The following RRAS2 variants were observed in gnomAD, a reference collection of about 807,000 sequenced individuals.
RRAS2 encodes ras-related protein R-Ras2.
Under a neutral mutation model 27.6 loss-of-function variants are expected in RRAS2, and 7 were observed. The observed-to-expected ratio is 0.25, with a 90% CI of 0.14 to 0.48. RRAS2 has a LOEUF of 0.48. RRAS2 is among the 20% of genes least tolerant of loss of function. The pLI is 0.99. For missense variants in RRAS2, 178 were observed against 256.2 expected (o/e 0.69, Z 2.08); for synonymous variants, 86 against 90.9 (o/e 0.95, Z 0.31).
chr11:14,318,579 A>G (rs965095388), intron 1 of RRAS2, among the ~76,000 whole-genome samples: 2 of 151,928 alleles, frequency 1.3e-5, no homozygotes, highest in Admixed American at 6.6e-5. Flanking sequence ...AACCATCCTG[A>G]TAAGAAAAGC....
At chr11:14,295,549 A>G (rs1366902756) in intron 2 of RRAS2, among the ~76,000 whole-genome samples, 1 of 152,222 alleles carries the variant, frequency 6.6e-6, no homozygotes, top group Non-Finnish European at 1.5e-5. Flanking sequence ...CAGTTTCACT[A>G]GAACAAGATC....
intron 1 of RRAS2, among the ~76,000 whole-genome samples, chr11:14,312,550 G>T (rs1261021851): frequency 6.6e-6 from 1 of 152,156 alleles, no homozygotes; most frequent in Non-Finnish European, 1.5e-5. Flanking sequence ...CTCCTGAGTA[G>T]CTGGGACTGT....
At chr11:14,302,309 GT>G (rs1847737166) in intron 1 of RRAS2, among the ~76,000 whole-genome samples, 1 of 152,044 alleles carries the variant, frequency 6.6e-6, no homozygotes, top group Non-Finnish European at 1.5e-5. Context: ...CACGTACTAT[GT>G]TTTTTAAATT....
At chr11:14,307,803 T>C (rs1305114945) in intron 1 of RRAS2, among the ~76,000 whole-genome samples, 1 of 152,152 alleles carries the variant, frequency 6.6e-6, no homozygotes, top group Non-Finnish European at 1.5e-5. Context: ...TCATTAAAAA[T>C]GGAAACGCCC....
At chr11:14,346,964 G>A (rs1278165906) in intron 1 of RRAS2, among the ~76,000 whole-genome samples, 1 of 152,092 alleles carries the variant, frequency 6.6e-6, no homozygotes, top group Middle Eastern at 3.2e-3. Context: ...AGACTAGCTT[G>A]GGCAACAAAA....
At chr11:14,333,864 G>T (rs1179119097) in intron 1 of RRAS2, among the ~76,000 whole-genome samples, 1 of 152,110 alleles carries the variant, frequency 6.6e-6, no homozygotes, top group African/African-American at 2.4e-5. Context: ...TGAACCCCTG[G>T]ACTCAAGCAA....
intron 1 of RRAS2, among the ~76,000 whole-genome samples, chr11:14,313,313 A>G (rs1000091911): frequency 6.6e-5 from 10 of 152,228 alleles, no homozygotes; most frequent in Non-Finnish European, 1.3e-4. Context: ...ATTGTAAACC[A>G]CATGAAAAGA....
intron 1 of RRAS2, among the ~76,000 whole-genome samples, chr11:14,299,209 A>T (rs1847633718): frequency 6.6e-6 from 1 of 152,220 alleles, no homozygotes; most frequent in Admixed American, 6.5e-5. Context: ...TTTTTACTCA[A>T]GTATAAAGAT....
At chr11:14,310,399 G>T (rs1208415732) in intron 1 of RRAS2, among the ~76,000 whole-genome samples, 1 of 152,136 alleles carries the variant, frequency 6.6e-6, no homozygotes, top group Non-Finnish European at 1.5e-5. Flanking sequence ...CTGGGACCTG[G>T]GGTACTTCAC....
At chr11:14,319,345 C>T (rs1404033791) in intron 1 of RRAS2, among the ~76,000 whole-genome samples, 25 of 91,524 alleles carry the variant, frequency 2.7e-4, no homozygotes, top group South Asian at 8.5e-4. Flanking sequence ...TTCCCTCTGT[C>T]TTTTTTTTTT....
rs868994611 is a variant in RRAS2, at chr11:14,287,828, C to T, written c.409-6108G>A. Among the ~76,000 whole-genome samples the T allele has an allele frequency of 1.2e-4, 17 of 146,120 alleles. 1 individual carries two copies. The highest frequency in any genetic ancestry group is 6.9e-4 in the Admixed American group (10 of 14,452). ...TGGAGGTTGCACTGAGCCAAGATTG[C>T]GCCACTGTACTCTAGCCTGGTTGAC... On this transcript the variant is annotated intron_variant, in intron 4 of 5. Transcript: ENST00000256196.
upstream of RRAS2, among the ~76,000 whole-genome samples, chr11:14,360,739 T>A (rs1031369505): frequency 6.6e-6 from 1 of 151,768 alleles, no homozygotes; most frequent in Non-Finnish European, 1.5e-5. Context: ...CTGGCCAACA[T>A]GGCTAAACGC....
At chr11:14,288,854 C>G (rs1175672872) in intron 4 of RRAS2, among the ~76,000 whole-genome samples, 1 of 152,168 alleles carries the variant, frequency 6.6e-6, no homozygotes, top group African/African-American at 2.4e-5. Flanking sequence ...TTTACAGAAG[C>G]AAAACTTGTT....
At chr11:14,344,048 T>C (rs1591485954) in intron 1 of RRAS2, among the ~76,000 whole-genome samples, 1 of 151,752 alleles carries the variant, frequency 6.6e-6, no homozygotes, top group Non-Finnish European at 1.5e-5. Context: ...GAGGCTGAGG[T>C]AGAAGAATCA....
intron 1 of RRAS2, among the ~76,000 whole-genome samples, chr11:14,351,071 T>C (rs1449508907): frequency 1.3e-5 from 2 of 152,196 alleles, no homozygotes; most frequent in Non-Finnish European, 2.9e-5. Context: ...GGCATGTATG[T>C]GGTCAAATAA....
chr11:14,289,493 CAA>C (rs1469134836), intron 4 of RRAS2, among the ~76,000 whole-genome samples: 2 of 152,172 alleles, frequency 1.3e-5, no homozygotes, highest in African/African-American at 4.8e-5. Flanking sequence ...CATATTTTAG[CAA>C]AGTTAAGCAA....
intron 5 of RRAS2, 127 bp downstream of exon 5, chr11:14,281,475 A>G (rs1211306570): frequency 6.8e-6 from 4 of 585,460 alleles, no homozygotes; most frequent in African/African-American, 5.9e-5. Flanking sequence ...TAGAATATGT[A>G]CTTAAAAATT....
At chr11:14,352,248 T>C (rs1169771972) in intron 1 of RRAS2, among the ~76,000 whole-genome samples, 1 of 152,200 alleles carries the variant, frequency 6.6e-6, no homozygotes, top group African/African-American at 2.4e-5. Context: ...GACAATAAAC[T>C]GACTGCATTT....
At chr11:14,355,983 A>T (rs1849064808) in intron 1 of RRAS2, among the ~76,000 whole-genome samples, 1 of 152,208 alleles carries the variant, frequency 6.6e-6, no homozygotes, top group African/African-American at 2.4e-5. Flanking sequence ...TTAATATAAA[A>T]ATGTATGCAG....
Sources: gnomAD v4.1 joint callset for allele counts (sites outside exome capture counted in the v4.1 genomes callset) on GRCh38, gnomAD v4.1.1 for gene constraint, MANE v1.5 for transcripts, NCBI Gene and HGNC (gene_info 2026-07-23, HGNC 2026-07-21) for gene names.